ERBB4: variants seen among roughly 807,000 people sequenced by gnomAD.
The protein encoded by ERBB4 is receptor tyrosine-protein kinase erbB-4.
Under a neutral mutation model 158.0 loss-of-function variants are expected in ERBB4, and 42 were observed. The observed-to-expected ratio is 0.27, with a 90% CI of 0.21 to 0.34. ERBB4 has a LOEUF of 0.34. ERBB4 is among the 10% of genes least tolerant of loss of function. The pLI is 1.00. For missense variants in ERBB4, 1,333 were observed against 1,624.1 expected, an observed-to-expected ratio of 0.82 and a Z score of 3.08; for synonymous variants, 583 against 558.7, an observed-to-expected ratio of 1.04 and a Z score of -0.61.
chr2:211,928,276 A>C (rs1318457300), intron 3 of ERBB4, among the ~76,000 whole-genome samples: 1 of 152,132 alleles, frequency 6.6e-6, no homozygotes, highest in Non-Finnish European at 1.5e-5. Context: ...TCCCCCGAGA[A>C]TAATCATTGT....
At chr2:211,865,389 G>A (rs1208412722) in intron 3 of ERBB4, among the ~76,000 whole-genome samples, 2 of 152,128 alleles carry the variant, frequency 1.3e-5, no homozygotes, top group Admixed American at 6.5e-5. Context: ...ATTTCTTGGA[G>A]CAGCTAGGCC....
At chr2:211,508,235 TCAGA>T (rs1188648866) in intron 20 of ERBB4, among the ~76,000 whole-genome samples, 1 of 151,946 alleles carries the variant, frequency 6.6e-6, no homozygotes. Context: ...AATCCACCCA[TCAGA>T]CAAAGGTCTA....
At chr2:211,570,638 T>C (rs2067695684) in intron 19 of ERBB4, among the ~76,000 whole-genome samples, 2 of 152,156 alleles carry the variant, frequency 1.3e-5, no homozygotes, top group Admixed American at 1.3e-4. Context: ...TTATCTCTAG[T>C]ACAACTTCAC....
chr2:211,492,503 G>A lies in ERBB4; in HGVS notation c.2488-61403C>T, dbSNP rs191842648. ...TATTATGTGGCTGGCACTATTCTAG[G>A]TATTTTGCATAAATACTCTCATTTA... On this transcript the variant is annotated intron_variant, in intron 20 of 27. Coordinates refer to ENST00000342788, the MANE Select transcript of ERBB4 (RefSeq NM_005235.3). Among the ~76,000 whole-genome samples, 135 of 152,144 alleles carry A rather than the reference G, an allele frequency of 8.9e-4. 1 individual carries two copies. The highest frequency in any genetic ancestry group is 9.1e-4 in the Non-Finnish European group (62 of 67,974).
chr2:211,902,054 T>C (rs2079251136), intron 3 of ERBB4, among the ~76,000 whole-genome samples: 1 of 152,082 alleles, frequency 6.6e-6, no homozygotes, highest in Non-Finnish European at 1.5e-5. Flanking sequence ...CTTTCCAACC[T>C]TCCTAATTCA....
chr2:212,474,069 C>T (rs894469823), intron 1 of ERBB4, among the ~76,000 whole-genome samples: 3 of 151,968 alleles, frequency 2.0e-5, no homozygotes, highest in Admixed American at 1.3e-4. Context: ...AAATAGATAA[C>T]GAACACTTTT....
chr2:211,424,397 C>A, intron 22 of ERBB4, 96 bp from the exon 23 acceptor site: 5 of 783,188 alleles, frequency 6.4e-6, no homozygotes, highest in South Asian at 1.5e-5. Context: ...CCTTACAGGT[C>A]AATCCAAACA....
At chr2:211,635,991 T>C (rs917841560) in intron 16 of ERBB4, among the ~76,000 whole-genome samples, 2 of 152,040 alleles carry the variant, frequency 1.3e-5, no homozygotes, top group African/African-American at 2.4e-5. Context: ...TTTTAGAAGC[T>C]TTTAGATTAA....
intron 1 of ERBB4, among the ~76,000 whole-genome samples, chr2:212,252,777 G>C (rs1386711393): frequency 6.6e-6 from 1 of 152,070 alleles, no homozygotes; most frequent in African/African-American, 2.4e-5. Flanking sequence ...ATAGCATATA[G>C]AGTCACAGAT....
chr2:211,819,152 G>C (rs1033396764), intron 3 of ERBB4, among the ~76,000 whole-genome samples: 3 of 151,940 alleles, frequency 2.0e-5, no homozygotes, highest in Non-Finnish European at 4.4e-5. Context: ...TGATTATTTA[G>C]ATAAAATCAT....
chr2:211,972,650 G>A (rs1248949934), intron 2 of ERBB4, among the ~76,000 whole-genome samples: 1 of 152,168 alleles, frequency 6.6e-6, no homozygotes, highest in Non-Finnish European at 1.5e-5. Context: ...AACAAGCAAT[G>A]GAGAAATGAC....
chr2:212,354,735 A>T (rs1217653549), intron 1 of ERBB4, among the ~76,000 whole-genome samples: 1 of 152,030 alleles, frequency 6.6e-6, no homozygotes, highest in Non-Finnish European at 1.5e-5. Context: ...GGTAGCTTTC[A>T]TTTACAGAAA....
chr2:211,971,536 C>T (rs947786406), intron 2 of ERBB4, among the ~76,000 whole-genome samples: 4 of 152,116 alleles, frequency 2.6e-5, no homozygotes, highest in Non-Finnish European at 4.4e-5. Flanking sequence ...GAAGGACCTC[C>T]TCCCTAACTC....
chr2:212,009,115 A>ACTTT (rs71054163), intron 2 of ERBB4, among the ~76,000 whole-genome samples: 140,530 of 151,606 alleles, frequency 0.93, 66,044 homozygotes, highest in East Asian at 1. Context: ...AATCATTAAA[A>ACTTT]CTTATTATAA....
intron 1 of ERBB4, among the ~76,000 whole-genome samples, chr2:212,289,361 C>G (rs1004802982): frequency 6.6e-6 from 1 of 152,090 alleles, no homozygotes; most frequent in Non-Finnish European, 1.5e-5. Flanking sequence ...TTGGCAGTTA[C>G]TCTCACTAAA....
intron 1 of ERBB4, among the ~76,000 whole-genome samples, chr2:212,221,614 A>G (rs986397690): frequency 6.6e-6 from 1 of 151,586 alleles, no homozygotes; most frequent in East Asian, 1.9e-4. Context: ...GTTGCCATGA[A>G]GATTTGCTGA....
At chr2:212,197,602 T>C (rs2082466636) in intron 1 of ERBB4, among the ~76,000 whole-genome samples, 1 of 152,168 alleles carries the variant, frequency 6.6e-6, no homozygotes, top group African/African-American at 2.4e-5. Flanking sequence ...CCACAATAAT[T>C]TGGAGAACTG....
intron 1 of ERBB4, among the ~76,000 whole-genome samples, chr2:212,254,739 A>G (rs956550756): frequency 5.3e-5 from 8 of 152,190 alleles, no homozygotes; most frequent in Admixed American, 2.0e-4. Context: ...AATATTGTGA[A>G]TATTCAGGAT....
chr2:211,515,730 C>T (rs973327442), intron 20 of ERBB4, among the ~76,000 whole-genome samples: 3 of 150,624 alleles, frequency 2.0e-5, no homozygotes, highest in African/African-American at 7.3e-5. Flanking sequence ...CTGCTCAGAG[C>T]ACAGGGATGT....
Sources: gnomAD v4.1 joint callset for allele counts (sites outside exome capture counted in the v4.1 genomes callset) on GRCh38, gnomAD v4.1.1 for gene constraint, MANE v1.5 for transcripts, NCBI Gene and HGNC (gene_info 2026-07-23, HGNC 2026-07-21) for gene names.